The following NEB variants were observed in gnomAD, a reference collection of about 807,000 sequenced individuals.
NEB encodes nemaline myopathy type 2.
In NEB, 512 loss-of-function variants were observed where a neutral mutation model predicts 952.2. That is an observed-to-expected ratio of 0.54 (90% CI 0.50 to 0.58). The LOEUF (loss-of-function observed/expected upper bound fraction) is 0.58. NEB is among the 20% of genes least tolerant of loss of function. The pLI is 0.00. For synonymous variants in NEB, 2,900 were observed against 3,149.8 expected, an observed-to-expected ratio of 0.92 and a Z score of 2.66; for missense variants, 8,428 against 9,231.1, an observed-to-expected ratio of 0.91 and a Z score of 3.56.
At chr2:151,693,036 T>A (rs1021334844) in intron 20 of NEB, among the ~76,000 whole-genome samples, 6 of 152,120 alleles carry the variant, frequency 3.9e-5, no homozygotes, top group Non-Finnish European at 7.4e-5. Flanking sequence ...GGGTATAAGG[T>A]GAACCTTAGA....
chr2:151,574,722 T>TTTTATTTATTTA (rs10529317), intron 107 of NEB, among the ~76,000 whole-genome samples: 53 of 147,808 alleles, frequency 3.6e-4, no homozygotes, highest in East Asian at 1.2e-3. Flanking sequence ...ACAGTTTAAA[T>TTTTATTTATTTA]TTTATTTATT....
rs2099059929 is a variant in NEB, at chr2:151,654,072, C to T, written c.6835G>A (p.Ala2279Thr). Reference protein sequence around the residue: ...QKLYKLGWEEALKKGYDLPVD... With the variant: ...QKLYKLGWEETLKKGYDLPVD... The stretch of plus-strand genomic sequence containing the variant: ...GGGAGATCATAGCCTTTCTTCAAAG[C>T]TTCTTCCCATCCAAGTTTATAGAGT... Residue 2279 changes from alanine to threonine, a missense_variant, in exon 52 of 182, where the codon GCT (alanine) becomes ACT (threonine). Transcript: ENST00000397345. 1 of 1,609,002 alleles carries T rather than the reference C, an allele frequency of 6.2e-7. No homozygotes were observed. Among genetic ancestry groups the T allele is most frequent in the Non-Finnish European group, 8.5e-7 (1 of 1,177,540 alleles).
chr2:151,519,292 C>T (rs1046568412), intron 154 of NEB, among the ~76,000 whole-genome samples: 1 of 152,048 alleles, frequency 6.6e-6, no homozygotes, highest in African/African-American at 2.4e-5. Flanking sequence ...TATTATTTAG[C>T]CATAAAAGGA....
chr2:151,660,890 G>A (rs764832974), intron 46 of NEB, among the ~76,000 whole-genome samples: 6 of 152,208 alleles, frequency 3.9e-5, no homozygotes, highest in South Asian at 2.1e-4. Flanking sequence ...CACATAGGCC[G>A]ATTGAGTACT....
chr2:151,619,102 T>C (rs2098313117), intron 73 of NEB, among the ~76,000 whole-genome samples: 1 of 152,224 alleles, frequency 6.6e-6, no homozygotes, highest in African/African-American at 2.4e-5. Context: ...ATCTCCCTAC[T>C]GCCCTCTGCC....
At chr2:151,697,833 G>A (rs1040343847) in intron 13 of NEB, among the ~76,000 whole-genome samples, 185 bp from the exon 14 acceptor site, 10 of 152,156 alleles carry the variant, frequency 6.6e-5, no homozygotes, top group African/African-American at 2.2e-4. Context: ...TTAGGAGGCC[G>A]AGGCGGGCGG....
intron 13 of NEB, among the ~76,000 whole-genome samples, chr2:151,704,530 C>A (rs1316374377): frequency 6.6e-6 from 1 of 151,596 alleles, no homozygotes; most frequent in Non-Finnish European, 1.5e-5. Flanking sequence ...GGCGTAGGAC[C>A]CTCCGAGCCA....
At chr2:151,640,235 A>T in intron 61 of NEB, 120 bp downstream of exon 61, 3 of 1,487,124 alleles carry the variant, frequency 2.0e-6, no homozygotes, top group Non-Finnish European at 1.8e-6. Flanking sequence ...CCTGTCGATA[A>T]AGGCAATGCT....
chr2:151,662,343 T>C lies in NEB; in HGVS notation c.5764-2A>G. 1 of 1,545,236 alleles carries C rather than the reference T, an allele frequency of 6.5e-7. No individual in the cohort carries two copies. Among genetic ancestry groups the C allele is most frequent in the East Asian group, 2.3e-5 (1 of 44,122 alleles). ...AGCATAGTCAGCCTTGTACTGATTC[T>C]GCAAAAGAGGAAAAATTAAATTATG... On this transcript the variant is annotated splice_acceptor_variant, in intron 45 of 181. Transcript: ENST00000397345. LOFTEE classifies it high-confidence loss of function.
chr2:151,555,937 T>C (rs1193344090), intron 124 of NEB, among the ~76,000 whole-genome samples: 1 of 152,034 alleles, frequency 6.6e-6, no homozygotes, highest in Non-Finnish European at 1.5e-5. Context: ...AATACTTCTT[T>C]TAAAGGATTA....
chr2:151,500,238 T>C (rs1292216521), intron 168 of NEB, among the ~76,000 whole-genome samples: 1 of 152,166 alleles, frequency 6.6e-6, no homozygotes. Flanking sequence ...AGAAAGTTAC[T>C]GATCTAATTA....
chr2:151,568,758 G>C, intron 110 of NEB, 42 bp from the exon 111 acceptor site: 1 of 1,388,838 alleles, frequency 7.2e-7, no homozygotes, highest in Non-Finnish European at 1.0e-6. Context: ...GTAATTCCTA[G>C]ACATGTGTGA....
chr2:151,621,056 T>C lies in NEB; in HGVS notation c.10453-30A>G, dbSNP rs193300993. The C allele has an allele frequency of 2.7e-4, 411 of 1,530,812 alleles. 3 individuals are homozygous for C. The highest frequency in any genetic ancestry group is 1.2e-3 in the Middle Eastern group (7 of 5,920). 94.8% of individuals were successfully genotyped at this position (1,530,812 alleles called of 1,614,324 possible). Reference sequence around the variant, plus strand: ...GGAAAGAAGGAGTAGCTTTTAAATATAGAATTCACATTCACTCGAAAAGTA... The same window carrying C: ...GGAAAGAAGGAGTAGCTTTTAAATACAGAATTCACATTCACTCGAAAAGTA... On this transcript the variant is annotated intron_variant, in intron 71 of 181. Transcript: ENST00000397345.
intron 146 of NEB, among the ~76,000 whole-genome samples, chr2:151,528,377 G>GT (rs1002576920): frequency 5.9e-5 from 9 of 152,030 alleles, no homozygotes; most frequent in Non-Finnish European, 8.8e-5. Context: ...ATTTAATAAG[G>GT]TTTTTTTCCC....
At chr2:151,658,640 T>G (rs2099112511) in intron 47 of NEB, among the ~76,000 whole-genome samples, 1 of 152,256 alleles carries the variant, frequency 6.6e-6, no homozygotes, top group African/African-American at 2.4e-5. Context: ...TTCTTTGTTT[T>G]GGGGTTTTGC....
rs1228912015 is a variant in NEB, at chr2:151,548,424, G to T, written c.20050-9C>A. On this transcript the variant is annotated splice_polypyrimidine_tract_variant and intron_variant, in intron 130 of 181. Transcript: ENST00000397345. ...GCTTCTTTGTACTTGAACTGCAAAA[G>T]CAAAGTCAGAATGAGATCAATGATG... 1.3e-6 allele frequency: 2 copies of T among 1,571,606 alleles called. No homozygotes were observed. Among genetic ancestry groups the T allele is most frequent in the East Asian group, 4.5e-5 (2 of 44,600 alleles).
Position 151,493,286 on chromosome 2 carries a change from G to A in NEB, c.24765+67C>T, listed in dbSNP as rs968732492. On this transcript the variant is annotated intron_variant, in intron 176 of 181. Transcript: ENST00000397345. ...TTTTTCAGTTGAATGAGAAAGGCGTGTTTTTATGATGTTAAAATGTTATTT... is the reference window on the plus strand; with the variant it reads ...TTTTTCAGTTGAATGAGAAAGGCGTATTTTTATGATGTTAAAATGTTATTT... 8 of 1,235,794 alleles carry A rather than the reference G, an allele frequency of 6.5e-6. No homozygotes were observed. In the African/African-American group the frequency reaches 1.2e-4, roughly 19 times the overall value. 76.6% of individuals were successfully genotyped at this position (1,235,794 alleles called of 1,614,324 possible). A position where few individuals can be genotyped will look rare whatever the true frequency, so the allele number is the denominator to read the frequency against.
rs1200649255 is a variant in NEB at position 151,666,394 on chromosome 2, T to C, written c.4727A>G (p.Tyr1576Cys). ...TTTGGCTTTCTCGTAGGCCTCCTTA[T>C]ATTTGCACTATTTGAAAACAAAGGG... ...SSRNIASDCKYKEAYEKAKGK... is the reference protein window; with the variant it reads ...SSRNIASDCKCKEAYEKAKGK... Residue 1576 changes from tyrosine to cysteine, a missense_variant, in exon 41 of 182, where the codon TAT (tyrosine) becomes TGT (cysteine). This residue lies in a region of NEB where 2,851 missense variants were observed against 2,791.5 expected (regional missense o/e 1.02). Transcript: ENST00000397345. 6.2e-7 allele frequency: 1 copy of C among 1,611,932 alleles called. No homozygotes were observed. Among genetic ancestry groups the C allele is most frequent in the Non-Finnish European group, 8.5e-7 (1 of 1,178,816 alleles).
intron 72 of NEB, among the ~76,000 whole-genome samples, chr2:151,620,383 ATATATATAT>A (rs2098386786): frequency 7.2e-6 from 1 of 138,240 alleles, no homozygotes; most frequent in Non-Finnish European, 1.6e-5. Context: ...ATATATATAT[ATATATATAT>A]TTAACCAGAA....
Sources: gnomAD v4.1 joint callset for allele counts (sites outside exome capture counted in the v4.1 genomes callset) on GRCh38, gnomAD v4.1.1 for gene constraint, gnomAD v4.1.1 regional missense constraint, MANE v1.5 for transcripts, NCBI Gene and HGNC (gene_info 2026-07-23, HGNC 2026-07-21) for gene names.